The following FAM20C variants were observed in gnomAD, a reference collection of about 807,000 sequenced individuals.
The protein encoded by FAM20C is FAM20C golgi associated secretory pathway kinase, also known as extracellular serine/threonine protein kinase FAM20C.
FAM20C carries 40 observed loss-of-function variants against 51.5 expected under a neutral mutation model. The observed-to-expected ratio is 0.78, with a 90% CI of 0.60 to 1.01. The LOEUF is 1.01. Ranked by LOEUF, FAM20C falls within the 50% of genes least tolerant of loss-of-function variation. The pLI is 0.00. For missense variants in FAM20C, 861 were observed against 844.7 expected (o/e 1.02, Z -0.24); for synonymous variants, 406 against 380.6 (o/e 1.07, Z -0.78).
chr7:195,285 T>G, intron 1 of FAM20C: 2 of 379,070 alleles, frequency 5.3e-6, no homozygotes, highest in Non-Finnish European at 4.7e-6. Context: ...CGTCCTGGAA[T>G]TAGTTTTGCT....
At position 257,054 on chromosome 7, in the gene FAM20C, A is replaced by G; in HGVS notation, c.1413A>G (p.Glu471=). 6.5e-7 allele frequency: 1 copy of G among 1,537,118 alleles called. No homozygotes were observed. The highest frequency in any genetic ancestry group is 8.7e-7 in the Non-Finnish European group (1 of 1,146,880). The part of the protein sequence containing the change: ...HYETFEKFGN[E]TFIIHLDNGR... Reference sequence around the variant, plus strand: ...AGACTTTTGAGAAGTTTGGGAATGAAACGTTCATCATCCACTTAGACAATG... The same window carrying G: ...AGACTTTTGAGAAGTTTGGGAATGAGACGTTCATCATCCACTTAGACAATG... The change falls in exon 8 of 10, where the codon GAA becomes GAG. Residue 471 remains glutamate (E), a synonymous_variant. Coordinates refer to ENST00000313766, the MANE Select transcript of FAM20C (RefSeq NM_020223.4).
chr7:213,922 T>C (rs1197417052), intron 3 of FAM20C, among the ~76,000 whole-genome samples: 2 of 152,054 alleles, frequency 1.3e-5, no homozygotes, highest in African/African-American at 4.8e-5. Flanking sequence ...AATATTGGAG[T>C]GTCTTTCCAT....
At chr7:249,829 T>C (rs1788327112) in intron 5 of FAM20C, among the ~76,000 whole-genome samples, 1 of 152,204 alleles carries the variant, frequency 6.6e-6, no homozygotes, top group African/African-American at 2.4e-5. Flanking sequence ...ACCAGGCCCC[T>C]GCTGCACAGC....
rs1050194474 is a variant in FAM20C, at chr7:227,198, C to T, written c.863+18222C>T. ...TTGTATTTTCTCCAGTTATGACGGT[C>T]GCCGGGGTGCCGCTAGTGTGTGGGC... On this transcript the variant is annotated intron_variant, in intron 3 of 9. Coordinates refer to ENST00000313766, the MANE Select transcript of FAM20C (RefSeq NM_020223.4). Among the ~76,000 whole-genome samples the T allele has an allele frequency of 3.3e-5, 5 of 151,962 alleles. No individual in the cohort carries two copies. The East Asian group carries it at 5.8e-4, about 18-fold the overall frequency.
At chr7:252,051 G>T (rs1417245930) in intron 5 of FAM20C, among the ~76,000 whole-genome samples, 1 of 152,276 alleles carries the variant, frequency 6.6e-6, no homozygotes, top group Admixed American at 6.5e-5. Context: ...GGGCCCAGGA[G>T]CCCGGATTCC....
Position 259,624 on chromosome 7 carries a change from CTG to C in FAM20C, c.1506-105_1506-104del. On this transcript the variant is annotated intron_variant, in intron 9 of 9. Transcript: ENST00000313766. ...TGTCTCTGTCCCCCTCTTTCTCTCT[CTG>C]TCTCTCCCCCCACTCTCTCGATCTC... The C allele has an allele frequency of 6.7e-6, 9 of 1,345,356 alleles. No individual in the cohort carries two copies. In the East Asian group the frequency reaches 1.0e-4, roughly 16 times the overall value. 83.3% of individuals were successfully genotyped at this position (1,345,356 alleles called of 1,614,324 possible).
At chr7:243,885 C>A (rs1022056455) in intron 3 of FAM20C, among the ~76,000 whole-genome samples, 2 of 150,856 alleles carry the variant, frequency 1.3e-5, no homozygotes, top group Non-Finnish European at 3.0e-5. Flanking sequence ...ATTCTGACTG[C>A]CCAACTGATA....
intron 3 of FAM20C, among the ~76,000 whole-genome samples, chr7:211,922 C>T (rs1424256340): frequency 6.7e-6 from 1 of 149,748 alleles, no homozygotes; most frequent in Non-Finnish European, 1.5e-5. Flanking sequence ...CAGCTCGGTC[C>T]TCTCACCGCC....
intron 4 of FAM20C, among the ~76,000 whole-genome samples, chr7:247,018 GGGAA>G (rs1260935421): frequency 6.6e-6 from 1 of 152,216 alleles, no homozygotes; most frequent in Non-Finnish European, 1.5e-5. Context: ...AAAGGAAAGA[GGGAA>G]GGAGGCAGGG....
At position 256,987 on chromosome 7, in the gene FAM20C, T is replaced by C; in HGVS notation, c.1364-18T>C. ...CCGGCTCCCCACGAGCTGTGACACT[T>C]TCTGCCTCTCTCCGCAGGAAACATG... On this transcript the variant is annotated intron_variant, in intron 7 of 9. Transcript: ENST00000313766. The C allele has an allele frequency of 6.5e-7, 1 of 1,536,926 alleles. No individual in the cohort carries two copies. Among genetic ancestry groups the C allele is most frequent in the Non-Finnish European group, 8.7e-7 (1 of 1,146,840 alleles).
At chr7:206,669 T>C (rs1042524960) in intron 2 of FAM20C, among the ~76,000 whole-genome samples, 16 of 120,734 alleles carry the variant, frequency 1.3e-4, no homozygotes, top group South Asian at 6.2e-4. Context: ...TCGGTCACTG[T>C]CCCCTCGGCC....
chr7:250,147 A>G (rs559694806), intron 5 of FAM20C, among the ~76,000 whole-genome samples: 22 of 152,322 alleles, frequency 1.4e-4, no homozygotes, highest in African/African-American at 5.1e-4. Flanking sequence ...TTGCTGGCAC[A>G]TAAAACCTTG....
intron 3 of FAM20C, among the ~76,000 whole-genome samples, chr7:216,618 TATGA>T (rs1562376167): frequency 2.0e-5 from 2 of 99,782 alleles, no homozygotes; most frequent in African/African-American, 9.4e-5. Context: ...TGTGTGTGTG[TATGA>T]GTGTGTGTGA....
chr7:255,416 GT>G (rs1054663965), intron 5 of FAM20C, among the ~76,000 whole-genome samples: 6 of 151,996 alleles, frequency 3.9e-5, no homozygotes, highest in African/African-American at 1.2e-4. Flanking sequence ...CCATTTATTA[GT>G]TTTTTTTGTC....
chr7:246,653 C>T (rs1788178836), intron 4 of FAM20C, 146 bp downstream of exon 4: 7 of 367,342 alleles, frequency 1.9e-5, no homozygotes, highest in East Asian at 9.4e-5. Flanking sequence ...CCCCCCACCC[C>T]GAGTGCTGCC....
At chr7:245,068 G>T (rs1000946957) in intron 3 of FAM20C, among the ~76,000 whole-genome samples, 18 of 152,244 alleles carry the variant, frequency 1.2e-4, no homozygotes, top group Non-Finnish European at 2.5e-4. Context: ...CCCGCTGTTC[G>T]TGTGGCGATG....
chr7:223,117 G>A (rs1201173806), intron 3 of FAM20C, among the ~76,000 whole-genome samples: 1 of 152,114 alleles, frequency 6.6e-6, no homozygotes, highest in Non-Finnish European at 1.5e-5. Flanking sequence ...GTGTATGAAT[G>A]GAACCCGTGT....
intron 2 of FAM20C, among the ~76,000 whole-genome samples, chr7:208,665 G>C (rs1471785275): frequency 6.6e-6 from 1 of 150,672 alleles, no homozygotes; most frequent in Non-Finnish European, 1.5e-5. Flanking sequence ...CAGGCCCTTG[G>C]GTCTGTGGTC....
rs953122192 is a variant in FAM20C at position 241,109 on chromosome 7, T to A, written c.864-5306T>A. Among the ~76,000 whole-genome samples, 152 of 152,068 alleles carry A rather than the reference T, an allele frequency of 1.0e-3. 2 individuals are homozygous for A. In the East Asian group the frequency reaches 0.025, roughly 25 times the overall value. On this transcript the variant is annotated intron_variant, in intron 3 of 9. Transcript: ENST00000313766. Reference sequence around the variant, plus strand: ...TGAATTGTCCTAAAGGGGTGGTTTGTTGGAAGCTGCTTTCTTCCTTGCCCC... The same window carrying A: ...TGAATTGTCCTAAAGGGGTGGTTTGATGGAAGCTGCTTTCTTCCTTGCCCC...
Sources: allele counts gnomAD v4.1 joint callset (sites outside exome capture counted in the v4.1 genomes callset), GRCh38; gene constraint gnomAD v4.1.1; transcripts MANE v1.5; gene names NCBI Gene and HGNC (gene_info 2026-07-23, HGNC 2026-07-21).